The following HS1BP3 variants were observed in gnomAD, a reference collection of about 807,000 sequenced individuals.
HS1BP3 encodes HCLS1-binding protein 3.
In HS1BP3, 32 loss-of-function variants were observed where a neutral mutation model predicts 33.5. That is an observed-to-expected ratio of 0.95 (90% confidence interval 0.72 to 1.28). HS1BP3 has a LOEUF of 1.28. Ranked by LOEUF, HS1BP3 falls within the 50% of genes most tolerant of loss-of-function variation. The pLI, the probability that HS1BP3 is intolerant of heterozygous loss-of-function variation, is 0.00. For missense variants in HS1BP3, 486 were observed against 502.3 expected, an observed-to-expected ratio of 0.97 and a Z score of 0.31; for synonymous variants, 187 against 209.2, an observed-to-expected ratio of 0.89 and a Z score of 0.92.
downstream of HS1BP3, among the ~76,000 whole-genome samples, chr2:20,589,941 C>T (rs1693772361): frequency 6.6e-6 from 1 of 152,138 alleles, no homozygotes; most frequent in South Asian, 2.1e-4. Flanking sequence ...CAGTAGTTCC[C>T]CCTGGACCAA....
intron 5 of HS1BP3, among the ~76,000 whole-genome samples, chr2:20,574,398 G>A (rs1303659349): frequency 2.0e-5 from 3 of 152,238 alleles, no homozygotes; most frequent in Non-Finnish European, 4.4e-5. Flanking sequence ...AAATCTTGTA[G>A]TGTTTGAGGA....
intron 2 of HS1BP3, among the ~76,000 whole-genome samples, chr2:20,643,396 C>A (rs1457381696): frequency 2.0e-5 from 3 of 152,196 alleles, no homozygotes; most frequent in Non-Finnish European, 2.9e-5. Context: ...ATACTCTCCT[C>A]TTCTGCTCCT....
chr2:20,623,914 G>T lies in HS1BP3; in HGVS notation c.902C>A (p.Ala301Asp), dbSNP rs1198257013. 1 of 1,612,236 alleles carries T rather than the reference G, an allele frequency of 6.2e-7. No homozygotes were observed. The highest frequency in any genetic ancestry group is 8.5e-7 in the Non-Finnish European group (1 of 1,179,894). Reference protein sequence around the residue: ...GPTPSLSHRDASKELFRVEED... With the variant: ...GPTPSLSHRDDSKELFRVEED... ...GTGGTACCTGAACAGTTCCTTGGAG[G>T]CGTCCCTGTGGCTGAGGCTGGGTGT... Residue 301 changes from alanine to aspartate, a missense_variant, in exon 6 of 7, where the codon GCC becomes GAC. Transcript: ENST00000304031.
chr2:20,564,866 T>C (rs1693087488), intron 5 of HS1BP3, among the ~76,000 whole-genome samples: 1 of 152,164 alleles, frequency 6.6e-6, no homozygotes, highest in Non-Finnish European at 1.5e-5. Context: ...CCACACTGTA[T>C]GGAAAAGGCA....
At chr2:20,610,447 T>C (rs1468057599) in intron 2 of HS1BP3, among the ~76,000 whole-genome samples, 4 of 152,228 alleles carry the variant, frequency 2.6e-5, no homozygotes, top group Admixed American at 6.5e-5. Context: ...CCAGGTCAGA[T>C]AGCTGGAATC....
intron 4 of HS1BP3, among the ~76,000 whole-genome samples, chr2:20,631,551 A>T (rs1301579229): frequency 8.5e-6 from 1 of 117,958 alleles, no homozygotes; most frequent in Non-Finnish European, 1.8e-5. Flanking sequence ...AAAAAAAAAA[A>T]AAGGGGCCAG....
At chr2:20,645,302 G>A (rs1572365096) in intron 2 of HS1BP3, 38 bp downstream of exon 2, 2 of 1,594,642 alleles carry the variant, frequency 1.3e-6, no homozygotes, top group East Asian at 2.2e-5. Flanking sequence ...CGGACCCCGG[G>A]CACCCTCGAA....
chr2:20,588,907 G>A (rs530109251), downstream of HS1BP3, among the ~76,000 whole-genome samples: 8 of 152,302 alleles, frequency 5.3e-5, no homozygotes, highest in South Asian at 2.1e-4. Flanking sequence ...TGATTTCCCC[G>A]GGGGAGGGCT....
At chr2:20,640,915 G>A in intron 3 of HS1BP3, 58 bp downstream of exon 3, 1 of 1,543,510 alleles carries the variant, frequency 6.5e-7, no homozygotes, top group Non-Finnish European at 9.0e-7. Context: ...GGGCACGGCA[G>A]CGGGGCCTAG....
intron 2 of HS1BP3, among the ~76,000 whole-genome samples, chr2:20,600,831 A>T (rs891312387): frequency 2.6e-5 from 4 of 152,184 alleles, no homozygotes; most frequent in South Asian, 2.1e-4. Flanking sequence ...TTTATAAAAA[A>T]ATATATATTT....
chr2:20,639,012 G>A (rs547243066), intron 3 of HS1BP3, among the ~76,000 whole-genome samples: 1 of 152,344 alleles, frequency 6.6e-6, no homozygotes, highest in Non-Finnish European at 1.5e-5. Flanking sequence ...CCCTCCTCCC[G>A]GGTGAGCGGT....
intron 2 of HS1BP3, among the ~76,000 whole-genome samples, chr2:20,609,191 C>G (rs532660159): frequency 6.6e-6 from 1 of 152,174 alleles, no homozygotes; most frequent in African/African-American, 2.4e-5. Context: ...GGCCGCCAGG[C>G]GCTGCATCAG....
intron 5 of HS1BP3, among the ~76,000 whole-genome samples, chr2:20,578,291 C>G (rs1693450417): frequency 6.6e-6 from 1 of 152,312 alleles, no homozygotes; most frequent in Middle Eastern, 3.4e-3. Context: ...GGGATGCAGT[C>G]TTCATAGGAG....
intron 2 of HS1BP3, among the ~76,000 whole-genome samples, chr2:20,612,606 G>A (rs4666316): frequency 0.072 from 10,904 of 152,204 alleles, 516 homozygotes; most frequent in East Asian, 0.14. Flanking sequence ...TTAACATGAT[G>A]TATTTGAGGT....
intron 4 of HS1BP3, among the ~76,000 whole-genome samples, chr2:20,632,452 A>G (rs754979703): frequency 2.0e-5 from 3 of 152,220 alleles, no homozygotes; most frequent in Admixed American, 2.0e-4. Context: ...CAAGTGTTGG[A>G]CATGGCCTGG....
intron 6 of HS1BP3, among the ~76,000 whole-genome samples, chr2:20,621,891 G>A (rs1694612324): frequency 6.6e-6 from 1 of 152,234 alleles, no homozygotes; most frequent in South Asian, 2.1e-4. Flanking sequence ...ACTAGGACTA[G>A]CTCTCACTAG....
At chr2:20,572,091 A>G (rs1040332385) in intron 5 of HS1BP3, among the ~76,000 whole-genome samples, 1 of 152,026 alleles carries the variant, frequency 6.6e-6, no homozygotes, top group South Asian at 2.1e-4. Flanking sequence ...TACCCCCTGC[A>G]CTCTTTCCTT....
intron 3 of HS1BP3, among the ~76,000 whole-genome samples, chr2:20,595,639 G>A (rs1219558263): frequency 6.6e-6 from 1 of 152,212 alleles, no homozygotes; most frequent in East Asian, 1.9e-4. Flanking sequence ...TCCTCGACAT[G>A]GCTGGTTTCT....
At chr2:20,609,241 A>G (rs1694265102) in intron 2 of HS1BP3, among the ~76,000 whole-genome samples, 1 of 152,208 alleles carries the variant, frequency 6.6e-6, no homozygotes, top group African/African-American at 2.4e-5. Context: ...GTGAGAAGTC[A>G]GGTTCTCAGG....
Sources: gnomAD v4.1 joint callset for allele counts (sites outside exome capture counted in the v4.1 genomes callset) on GRCh38, gnomAD v4.1.1 for gene constraint, MANE v1.5 for transcripts, NCBI Gene and HGNC (gene_info 2026-07-23, HGNC 2026-07-21) for gene names.